Variants in CSMD3 observed in about 807,000 individuals in gnomAD.
CSMD3 encodes CUB and sushi domain-containing protein 3.
In CSMD3, 177 loss-of-function variants were observed where a neutral mutation model predicts 435.2. The observed-to-expected ratio is 0.41, with a 90% CI of 0.36 to 0.46. The LOEUF is 0.46. Ranked by LOEUF, CSMD3 falls within the 20% of genes least tolerant of loss-of-function variation. The pLI is 0.34. For missense variants in CSMD3, 4,265 were observed against 4,504.6 expected, an observed-to-expected ratio of 0.95 and a Z score of 1.52; for synonymous variants, 1,656 against 1,520.5, an observed-to-expected ratio of 1.09 and a Z score of -2.07.
chr8:112,791,437 CA>C (rs1370520615), intron 13 of CSMD3, among the ~76,000 whole-genome samples: 1 of 151,760 alleles, frequency 6.6e-6, no homozygotes, highest in African/African-American at 2.4e-5. Context: ...AATCTGCTTT[CA>C]GTCACTATAG....
intron 3 of CSMD3, among the ~76,000 whole-genome samples, chr8:113,186,217 T>C (rs928431747): frequency 2.0e-5 from 3 of 152,006 alleles, no homozygotes; most frequent in Admixed American, 1.3e-4. Flanking sequence ...CTGTGCCCTA[T>C]GTGGGCATCC....
At chr8:112,699,533 A>AC (rs367766937) in intron 13 of CSMD3, among the ~76,000 whole-genome samples, 55 of 152,356 alleles carry the variant, frequency 3.6e-4, no homozygotes, top group Middle Eastern at 6.8e-3. Flanking sequence ...TGGATGTTTG[A>AC]TAAAAAATAA....
rs185067783 is a variant in CSMD3 at position 112,714,369 on chromosome 8, G to A, written c.1973-24319C>T. Among the ~76,000 whole-genome samples, 178 of 152,164 alleles carry A rather than the reference G, an allele frequency of 1.2e-3. 2 individuals carry two copies. Among genetic ancestry groups the A allele is most frequent in the African/African-American group, 4.0e-3 (166 of 41,528 alleles). ...GGTAAAGGGATCAATTCAATATGAAGAGCTAACTATTCTAGATATATATGT... is the reference window on the plus strand; with the variant it reads ...GGTAAAGGGATCAATTCAATATGAAAAGCTAACTATTCTAGATATATATGT... On this transcript the variant is annotated intron_variant, in intron 13 of 70. Coordinates refer to ENST00000297405, the MANE Select transcript of CSMD3 (RefSeq NM_198123.2).
intron 23 of CSMD3, among the ~76,000 whole-genome samples, chr8:112,583,591 A>G (rs1830493203): frequency 6.6e-6 from 1 of 151,994 alleles, no homozygotes; most frequent in South Asian, 2.1e-4. Context: ...ATAAGTAAGT[A>G]GCACACAAGA....
At chr8:112,583,552 C>T (rs1412713528) in intron 23 of CSMD3, among the ~76,000 whole-genome samples, 1 of 151,772 alleles carries the variant, frequency 6.6e-6, no homozygotes, top group East Asian at 1.9e-4. Flanking sequence ...CCAAACCTAC[C>T]TGTGGTGTGT....
intron 6 of CSMD3, among the ~76,000 whole-genome samples, chr8:113,015,109 T>TA (rs1167873786): frequency 6.6e-6 from 1 of 151,934 alleles, no homozygotes; most frequent in Non-Finnish European, 1.5e-5. Flanking sequence ...TTCCCAAATA[T>TA]AAAAAATGGA....
At chr8:112,761,068 G>A (rs1040692483) in intron 13 of CSMD3, among the ~76,000 whole-genome samples, 2 of 152,134 alleles carry the variant, frequency 1.3e-5, no homozygotes, top group African/African-American at 4.8e-5. Context: ...CTTTTCAACA[G>A]AAGCAGACAC....
At chr8:112,259,917 C>T (rs1010849335) in intron 61 of CSMD3, among the ~76,000 whole-genome samples, 5 of 152,096 alleles carry the variant, frequency 3.3e-5, no homozygotes, top group Admixed American at 1.3e-4. Flanking sequence ...CTGAAGTGTT[C>T]CTCTTATGCA....
At chr8:112,726,665 C>A (rs1035735246) in intron 13 of CSMD3, among the ~76,000 whole-genome samples, 1 of 151,840 alleles carries the variant, frequency 6.6e-6, no homozygotes, top group East Asian at 1.9e-4. Context: ...CTCATCCAAC[C>A]AACAGGATTT....
chr8:113,158,446 T>C (rs943843588), intron 4 of CSMD3, among the ~76,000 whole-genome samples: 2 of 152,028 alleles, frequency 1.3e-5, no homozygotes, highest in Admixed American at 6.6e-5. Context: ...AGTGATAAAA[T>C]ACAAGATAAT....
chr8:112,646,339 T>C (rs1028859319), intron 19 of CSMD3, among the ~76,000 whole-genome samples: 9 of 152,202 alleles, frequency 5.9e-5, no homozygotes, highest in Non-Finnish European at 5.9e-5. Context: ...ACCAGACATG[T>C]GCTCCTGAGC....
intron 32 of CSMD3, among the ~76,000 whole-genome samples, chr8:112,422,864 A>T (rs1031076668): frequency 5.3e-5 from 8 of 152,222 alleles, no homozygotes; most frequent in African/African-American, 1.9e-4. Context: ...AGAAACAAAT[A>T]AGAAAACTTA....
intron 4 of CSMD3, among the ~76,000 whole-genome samples, chr8:113,122,316 A>G (rs2131639851): frequency 6.6e-6 from 1 of 152,214 alleles, no homozygotes; most frequent in East Asian, 1.9e-4. Context: ...CACTATGAAA[A>G]AGTAGAAGCA....
chr8:112,704,150 CTCT>C (rs1286876174), intron 13 of CSMD3, among the ~76,000 whole-genome samples: 3 of 151,874 alleles, frequency 2.0e-5, no homozygotes, highest in Non-Finnish European at 2.9e-5. Flanking sequence ...AATTCTCTCT[CTCT>C]CTCTTTTTTA....
intron 10 of CSMD3, among the ~76,000 whole-genome samples, chr8:112,909,987 C>T (rs1434051483): frequency 6.6e-6 from 1 of 151,734 alleles, no homozygotes; most frequent in African/African-American, 2.4e-5. Context: ...AATTAAATGT[C>T]CCAATCAGCC....
intron 58 of CSMD3, among the ~76,000 whole-genome samples, chr8:112,283,309 T>C (rs1029779717): frequency 6.6e-6 from 1 of 151,892 alleles, no homozygotes; most frequent in African/African-American, 2.4e-5. Flanking sequence ...TATGTTTGCC[T>C]TTCTTTTGTT....
At chr8:113,342,457 C>T (rs763971645) in intron 1 of CSMD3, among the ~76,000 whole-genome samples, 6 of 152,060 alleles carry the variant, frequency 3.9e-5, no homozygotes, top group Non-Finnish European at 8.8e-5. Flanking sequence ...AAAGAAAAAA[C>T]TGCAATAAAA....
At chr8:113,026,425 C>T (rs1319471259) in intron 5 of CSMD3, among the ~76,000 whole-genome samples, 1 of 152,098 alleles carries the variant, frequency 6.6e-6, no homozygotes, top group African/African-American at 2.4e-5. Flanking sequence ...TTGTTTTGGT[C>T]CTTTGTTTTT....
intron 5 of CSMD3, among the ~76,000 whole-genome samples, chr8:113,022,670 T>C (rs776504585): frequency 3.3e-5 from 5 of 151,696 alleles, no homozygotes; most frequent in Non-Finnish European, 5.9e-5. Context: ...AGGATAATTA[T>C]ATCAAGAAAA....
Sources: allele counts gnomAD v4.1 joint callset (sites outside exome capture counted in the v4.1 genomes callset), GRCh38; gene constraint gnomAD v4.1.1; transcripts MANE v1.5; gene names NCBI Gene and HGNC (gene_info 2026-07-23, HGNC 2026-07-21).